The following CLTRN variants were observed in gnomAD, a reference collection of about 807,000 sequenced individuals.
CLTRN encodes the protein collectrin.
Under a neutral mutation model 14.5 loss-of-function variants are expected in CLTRN, and 12 were observed. The observed-to-expected ratio is 0.83, with a 90% CI of 0.53 to 1.34. CLTRN has a LOEUF of 1.34. CLTRN is among the 40% of genes most tolerant of loss of function. The pLI is 0.00. For missense variants in CLTRN, 154 were observed against 165.1 expected (o/e 0.93, Z 0.37); for synonymous variants, 58 against 56.5 (o/e 1.03, Z -0.12).
intron 5 of CLTRN, among the ~76,000 whole-genome samples, chrX:15,637,286 T>G (rs1378110126): frequency 9.0e-6 from 1 of 111,625 alleles, no homozygotes. Context: ...ATCTTTTCCA[T>G]GATTAGAAAG....
intron 4 of CLTRN, among the ~76,000 whole-genome samples, chrX:15,643,461 C>A (rs1011502563): frequency 1.8e-5 from 2 of 112,134 alleles, no homozygotes; most frequent in Non-Finnish European, 3.8e-5. Context: ...TGTATTAATA[C>A]TTCCCAGACC....
chrX:15,672,149 T>G (rs991622294), intron 1 of CLTRN, among the ~76,000 whole-genome samples: 1 of 111,997 alleles, frequency 8.9e-6, no homozygotes, highest in Non-Finnish European at 1.9e-5. Flanking sequence ...AGTGTAATTC[T>G]GCCAACTTTA....
intron 2 of CLTRN, among the ~76,000 whole-genome samples, chrX:15,660,276 G>A (rs1929475493): frequency 9.0e-6 from 1 of 111,657 alleles, no homozygotes; most frequent in African/African-American, 3.3e-5. Flanking sequence ...GTTTATGACT[G>A]TGCTGTACTT....
intron 5 of CLTRN, among the ~76,000 whole-genome samples, chrX:15,638,099 G>C (rs765305192): frequency 8.9e-6 from 1 of 112,344 alleles, no homozygotes; most frequent in African/African-American, 3.2e-5. Flanking sequence ...TAATGTTACA[G>C]TTGTTAGAAC....
upstream of CLTRN, among the ~76,000 whole-genome samples, chrX:15,666,112 C>T (rs750469765): frequency 3.6e-5 from 4 of 111,459 alleles, no homozygotes; most frequent in Non-Finnish European, 5.7e-5. Context: ...GGGAGAGGAT[C>T]GAAAAACTAC....
intron 4 of CLTRN, among the ~76,000 whole-genome samples, chrX:15,643,522 T>A (rs1042961412): frequency 2.7e-5 from 3 of 112,412 alleles, no homozygotes; most frequent in African/African-American, 9.7e-5. Context: ...AGGACTGGTT[T>A]AACCCAGTGC....
At chrX:15,652,853 G>A (rs903413644) in intron 3 of CLTRN, among the ~76,000 whole-genome samples, 21 of 111,596 alleles carry the variant, frequency 1.9e-4, no homozygotes, top group Non-Finnish European at 4.0e-4. Context: ...AGGCTGAGGC[G>A]GGCAGATCAC....
upstream of CLTRN, among the ~76,000 whole-genome samples, chrX:15,666,894 C>A (rs1260671499): frequency 8.9e-6 from 1 of 112,389 alleles, no homozygotes; most frequent in Non-Finnish European, 1.9e-5. Flanking sequence ...GAGATTGTAA[C>A]AAAGCATTTT....
chrX:15,646,481 G>T, intron 3 of CLTRN: 1 of 90,141 alleles, frequency 1.1e-5, no homozygotes, highest in South Asian at 7.3e-5. Flanking sequence ...CCCGACCCCC[G>T]CGCCAGAAGC....
chrX:15,658,867 T>C (rs1194116040), intron 3 of CLTRN, 149 bp downstream of exon 3: 4 of 281,383 alleles, frequency 1.4e-5, no homozygotes, highest in Non-Finnish European at 2.6e-5. Flanking sequence ...ATGAGTTAGA[T>C]TATAAAAGTT....
chrX:15,645,101 T>C (rs1929032220), intron 3 of CLTRN, 72 bp from the exon 4 acceptor site: 1 of 580,527 alleles, frequency 1.7e-6, no homozygotes, highest in African/African-American at 2.3e-5. Context: ...TTCACTCTGA[T>C]GCTACTACTA....
intron 4 of CLTRN, among the ~76,000 whole-genome samples, chrX:15,640,350 C>G (rs1474185585): frequency 1.8e-5 from 2 of 112,981 alleles, no homozygotes; most frequent in African/African-American, 6.4e-5. Context: ...CAAAACTGCC[C>G]TGAGCTGCTA....
chrX:15,652,471 CAAA>C (rs79756100), intron 3 of CLTRN, among the ~76,000 whole-genome samples: 1 of 57,836 alleles, frequency 1.7e-5, no homozygotes. Context: ...ACTTTACAGA[CAAA>C]AAAAAAAAAA....
intron 3 of CLTRN, among the ~76,000 whole-genome samples, chrX:15,653,537 C>A (rs1186500534): frequency 1.8e-5 from 2 of 110,895 alleles, no homozygotes; most frequent in African/African-American, 6.6e-5. Flanking sequence ...TCCTATTCTT[C>A]TTCTACCTCA....
At chrX:15,635,835 TCAAA>T (rs1316747600) in intron 5 of CLTRN, among the ~76,000 whole-genome samples, 1 of 111,154 alleles carries the variant, frequency 9.0e-6, no homozygotes, top group Non-Finnish European at 1.9e-5. Flanking sequence ...TATAAGAAAC[TCAAA>T]CAACTCAATA....
At chrX:15,649,340 C>T (rs1393729942) in intron 3 of CLTRN, among the ~76,000 whole-genome samples, 1 of 111,776 alleles carries the variant, frequency 8.9e-6, no homozygotes, top group Non-Finnish European at 1.9e-5. Flanking sequence ...ATTACCTCAG[C>T]AAATAAAATG....
chrX:15,654,279 TA>T (rs1415733443), intron 3 of CLTRN, among the ~76,000 whole-genome samples: 1 of 112,889 alleles, frequency 8.9e-6, no homozygotes, highest in Non-Finnish European at 1.9e-5. Context: ...CTACACCATT[TA>T]ACTCAGAAAG....
chrX:15,658,324 T>C (rs911724577), intron 3 of CLTRN, among the ~76,000 whole-genome samples: 1 of 112,549 alleles, frequency 8.9e-6, no homozygotes, highest in Non-Finnish European at 1.9e-5. Flanking sequence ...GGCCTGGTTC[T>C]GTACTTAGCT....
At chrX:15,635,883 G>A (rs1232480771) in intron 5 of CLTRN, among the ~76,000 whole-genome samples, 2 of 111,765 alleles carry the variant, frequency 1.8e-5, no homozygotes, top group Non-Finnish European at 3.8e-5. Context: ...TTAAAATGGG[G>A]AAAGGATGTC....
Sources: allele counts gnomAD v4.1 joint callset (sites outside exome capture counted in the v4.1 genomes callset), GRCh38; gene constraint gnomAD v4.1.1; transcripts MANE v1.5; gene names NCBI Gene and HGNC (gene_info 2026-07-23, HGNC 2026-07-21).